PRKDC: variants seen among roughly 807,000 people sequenced by gnomAD.
PRKDC encodes DNA-dependent protein kinase catalytic subunit.
PRKDC carries 82 observed loss-of-function variants against 486.9 expected under a neutral mutation model. The observed-to-expected ratio is 0.17, with a 90% CI of 0.14 to 0.20. The LOEUF (loss-of-function observed/expected upper bound fraction) is 0.20. Among genes scored for constraint, PRKDC ranks in the 10% least tolerant of loss-of-function variants. PRKDC has a pLI of 1.00. For missense variants in PRKDC, 4,504 were observed against 5,038.2 expected (o/e 0.89, Z 3.21); for synonymous variants, 1,895 against 1,837.0 (o/e 1.03, Z -0.81).
chr8:47,892,199 A>G (rs1182575777), intron 31 of PRKDC, among the ~76,000 whole-genome samples: 1 of 152,156 alleles, frequency 6.6e-6, no homozygotes, highest in East Asian at 1.9e-4. Flanking sequence ...ACTAAAATCT[A>G]TACGTACAAA....
At chr8:47,789,878 T>TA (rs200147904) in intron 74 of PRKDC, among the ~76,000 whole-genome samples, 3 of 151,834 alleles carry the variant, frequency 2.0e-5, no homozygotes, top group African/African-American at 4.8e-5. Context: ...CCCTTCATGA[T>TA]AAAAAAAACT....
At chr8:47,860,017 G>A (rs1006003873) in intron 45 of PRKDC, among the ~76,000 whole-genome samples, 10 of 152,106 alleles carry the variant, frequency 6.6e-5, no homozygotes, top group African/African-American at 2.4e-4. Context: ...TTTTGCATAT[G>A]ATTAACACAT....
intron 58 of PRKDC, among the ~76,000 whole-genome samples, chr8:47,835,130 T>C (rs2087986292): frequency 6.6e-6 from 1 of 152,222 alleles, no homozygotes; most frequent in African/African-American, 2.4e-5. Context: ...TAAGATATGT[T>C]ACTCTACAAT....
intron 50 of PRKDC, 101 bp downstream of exon 50, chr8:47,855,121 C>T (rs2088503987): frequency 1.7e-6 from 2 of 1,180,212 alleles, no homozygotes; most frequent in Non-Finnish European, 2.3e-6. Flanking sequence ...TTTCTTCCTC[C>T]TATCATTTCA....
At chr8:47,776,136 G>C (rs140451717) in intron 85 of PRKDC, among the ~76,000 whole-genome samples, 104 of 152,190 alleles carry the variant, frequency 6.8e-4, no homozygotes, top group Middle Eastern at 3.4e-3. Flanking sequence ...CTATTTCTAA[G>C]TGTTTTATAG....
At chr8:47,951,148 C>T (rs2090618833) in intron 7 of PRKDC, among the ~76,000 whole-genome samples, 1 of 151,722 alleles carries the variant, frequency 6.6e-6, no homozygotes. Context: ...GTGGGCAGAT[C>T]TCTTGGTTGG....
Position 47,791,643 on chromosome 8 carries a change from T to C in PRKDC, c.10671-2405A>G, listed in dbSNP as rs149803549. 7.2e-5 allele frequency among the ~76,000 whole-genome samples: 11 copies of C among 152,180 alleles called. No homozygotes were observed. The East Asian group carries it at 1.9e-3, about 27-fold the overall frequency. On this transcript the variant is annotated intron_variant, in intron 74 of 85. Transcript: ENST00000314191. ...TATATAAAAACATGCTCAACATCAA[T>C]GAACATCAGAGAAATGCAAATCAAA... is the stretch of plus-strand genomic sequence containing the variant.
intron 55 of PRKDC, 74 bp from the exon 56 acceptor site, chr8:47,839,320 C>G (rs1202576298): frequency 1.0e-6 from 1 of 1,002,496 alleles, no homozygotes; most frequent in African/African-American, 1.6e-5. Context: ...ACAGTAACAC[C>G]ATCTAGAATT....
chr8:47,929,975 G>T lies in PRKDC; in HGVS notation c.1930C>A (p.Pro644Thr), dbSNP rs775478125. 2.5e-6 allele frequency: 4 copies of T among 1,607,608 alleles called. No individual in the cohort carries two copies. The Admixed American group carries it at 5.1e-5, about 21-fold the overall frequency. Residue 644 changes from proline (P) to threonine (T), a missense_variant, in exon 18 of 86, where the codon CCA becomes ACA. By Grantham distance (38) the Pro-to-Thr change is conservative. Transcript: ENST00000314191. Reference protein sequence around the residue: ...LPEKQAEFFEPWVYSFSYELI... With the variant: ...LPEKQAEFFETWVYSFSYELI... ...TCATATGAAAATGAGTACACCCATGGTTCAAAAAATTCTGCTTGTTTCTCA... is the reference window on the plus strand; with the variant it reads ...TCATATGAAAATGAGTACACCCATGTTTCAAAAAATTCTGCTTGTTTCTCA...
chr8:47,916,559 G>A (rs2089986793), intron 22 of PRKDC, among the ~76,000 whole-genome samples: 1 of 152,174 alleles, frequency 6.6e-6, no homozygotes, highest in Non-Finnish European at 1.5e-5. Flanking sequence ...ATTTTCAGAA[G>A]TTTTCCTCAA....
chr8:47,941,764 T>C (rs2090448900), intron 10 of PRKDC, among the ~76,000 whole-genome samples: 1 of 152,252 alleles, frequency 6.6e-6, no homozygotes, highest in African/African-American at 2.4e-5. Context: ...GCATTGAGGA[T>C]AGTTCTCTTG....
rs764543235 is a variant in PRKDC at position 47,930,728 on chromosome 8, C to T, written c.1836G>A (p.Leu612=). 8 of 1,592,064 alleles carry T rather than the reference C, an allele frequency of 5.0e-6. No homozygotes were observed. The highest frequency in any genetic ancestry group is 1.7e-4 in the Middle Eastern group (1 of 6,046). ...MIPTSDPAAN[L]HPAKPKDFSA... is the part of the protein sequence containing the mutation. ...AAAAATCTTTAGGTTTAGCTGGATG[C>T]AAGTTAGCCGCTGGATCTGAAGTTG... The change falls in exon 17 of 86, where the codon TTG becomes TTA. Residue 612 remains leucine, a synonymous_variant. Transcript: ENST00000314191.
intron 40 of PRKDC, among the ~76,000 whole-genome samples, chr8:47,872,534 T>A (rs1000038694): frequency 2.0e-5 from 3 of 147,990 alleles, no homozygotes; most frequent in Non-Finnish European, 4.5e-5. Context: ...ATCTGTTGCC[T>A]GCAAGAAACA....
At chr8:47,873,280 T>C (rs905124724) in intron 40 of PRKDC, among the ~76,000 whole-genome samples, 2 of 146,912 alleles carry the variant, frequency 1.4e-5, no homozygotes, top group African/African-American at 5.0e-5. Context: ...CTCAAGCCTG[T>C]AATCCCAGCA....
Position 47,803,294 on chromosome 8 carries a change from C to T in PRKDC, c.9922+12G>A, listed in dbSNP as rs199951054. 7.3e-4 allele frequency: 1,165 copies of T among 1,597,424 alleles called. No homozygotes were observed. Among genetic ancestry groups the T allele is most frequent in the Non-Finnish European group, 9.1e-4 (1,071 of 1,172,306 alleles). On this transcript the variant is annotated intron_variant, in intron 70 of 85. Transcript: ENST00000314191. ...CCTTTAAGATATAAGTGGATAAAAG[C>T]GGTCAACTTACCCAACAAAGAGACT...
At chr8:47,831,424 G>T (rs1379617068) in intron 60 of PRKDC, among the ~76,000 whole-genome samples, 3 of 152,218 alleles carry the variant, frequency 2.0e-5, no homozygotes, top group African/African-American at 7.2e-5. Context: ...GAGTCTCCAC[G>T]CCACGGGAAG....
intron 74 of PRKDC, among the ~76,000 whole-genome samples, chr8:47,793,626 C>CAA (rs1242428599): frequency 5.0e-5 from 3 of 59,896 alleles, no homozygotes; most frequent in Non-Finnish European, 9.4e-5. Flanking sequence ...TACTCTGTCT[C>CAA]AAAAAAAAAA....
At chr8:47,946,722 C>T (rs190844582) in intron 7 of PRKDC, among the ~76,000 whole-genome samples, 117 of 152,264 alleles carry the variant, frequency 7.7e-4, no homozygotes, top group African/African-American at 2.8e-3. Flanking sequence ...CTGTTACACG[C>T]ACAACTGCAC....
chr8:47,848,495 G>A (rs1013914252), intron 54 of PRKDC, among the ~76,000 whole-genome samples: 1 of 152,056 alleles, frequency 6.6e-6, no homozygotes, highest in Non-Finnish European at 1.5e-5. Context: ...GGGGAAGGGA[G>A]GATATGAGGC....
Sources: gnomAD v4.1 joint callset for allele counts (sites outside exome capture counted in the v4.1 genomes callset) on GRCh38, gnomAD v4.1.1 for gene constraint, MANE v1.5 for transcripts, NCBI Gene and HGNC (gene_info 2026-07-23, HGNC 2026-07-21) for gene names.